The following WDPCP variants were observed in gnomAD, a reference collection of about 807,000 sequenced individuals.
The protein encoded by WDPCP is WD repeat-containing and planar cell polarity effector protein fritz homolog.
A neutral mutation model predicts 93.1 loss-of-function variants in WDPCP; 71 were observed. The observed-to-expected ratio is 0.76, with a 90% CI of 0.63 to 0.93. WDPCP has a LOEUF of 0.93. Among genes scored for constraint, WDPCP ranks in the 40% least tolerant of loss-of-function variants. The pLI is 0.00. For synonymous variants in WDPCP, 315 were observed against 315.0 expected, an observed-to-expected ratio of 1.00 and a Z score of 0.00; for missense variants, 844 against 887.4, an observed-to-expected ratio of 0.95 and a Z score of 0.62.
chr2:63,174,709 T>C lies in WDPCP; in HGVS notation c.2039A>G (p.His680Arg), dbSNP rs1295952465. Residue 680 changes from histidine to arginine, a missense_variant, in exon 15 of 18, where the codon CAT becomes CGT. Coordinates refer to ENST00000272321, the MANE Select transcript of WDPCP (RefSeq NM_015910.7). ...NLPPSCPTHR[H>R]ILQQRILNGS... ...ATTCAGTATTCTTTGTTGTAAAATA[T>C]GTCTGTGGGTTGGGCAAGAGGGAGG... 1.2e-6 allele frequency: 2 copies of C among 1,614,004 alleles called. No individual in the cohort carries two copies. Among genetic ancestry groups the C allele is most frequent in the African/African-American group, 1.3e-5 (1 of 75,044 alleles).
chr2:63,190,293 C>G (rs901955507), intron 14 of WDPCP, among the ~76,000 whole-genome samples: 1 of 151,708 alleles, frequency 6.6e-6, no homozygotes, highest in African/African-American at 2.4e-5. Flanking sequence ...ACTAGCCAAG[C>G]ATGGTGGCAG....
intron 15 of WDPCP, among the ~76,000 whole-genome samples, chr2:63,160,897 A>G (rs1306463360): frequency 2.6e-5 from 4 of 152,228 alleles, no homozygotes; most frequent in African/African-American, 4.8e-5. Context: ...GGAAGCCCAC[A>G]GCACCATCTA....
chr2:63,693,418 A>G (rs1668916219), intron 2 of WDPCP, among the ~76,000 whole-genome samples: 1 of 151,130 alleles, frequency 6.6e-6, no homozygotes, highest in Admixed American at 6.7e-5. Context: ...AGATGGCTAT[A>G]GACTACAGTA....
chr2:63,337,221 ATGAG>A (rs1688446792), intron 12 of WDPCP, among the ~76,000 whole-genome samples: 1 of 152,208 alleles, frequency 6.6e-6, no homozygotes, highest in African/African-American at 2.4e-5. Context: ...GATTCCACTT[ATGAG>A]TGAGAACATG....
At chr2:63,281,533 G>A (rs1683544444) in intron 13 of WDPCP, among the ~76,000 whole-genome samples, 1 of 152,168 alleles carries the variant, frequency 6.6e-6, no homozygotes, top group African/African-American at 2.4e-5. Flanking sequence ...GCACCTGCAT[G>A]TTTATAGTAG....
At chr2:63,538,257 A>T (rs1704454227) in intron 1 of WDPCP, among the ~76,000 whole-genome samples, 1 of 152,176 alleles carries the variant, frequency 6.6e-6, no homozygotes. Flanking sequence ...TATTAAAAAT[A>T]ACATGAAAAA....
At chr2:63,192,055 C>T (rs779038276) in intron 14 of WDPCP, among the ~76,000 whole-genome samples, 94 of 152,274 alleles carry the variant, frequency 6.2e-4, no homozygotes, top group Non-Finnish European at 8.7e-4. Context: ...GAAAAGCTCT[C>T]CTTACCCCCC....
rs116224585 is a variant in WDPCP at position 63,781,931 on chromosome 2, G to T, written n.308+31691C>A. On this transcript the variant is annotated intron_variant and non_coding_transcript_variant, in intron 2 of 4. Transcript: ENST00000467687. The stretch of plus-strand genomic sequence containing the variant: ...GTCAGTCCACAGGCAACCTATGTGT[G>T]TGTGTATATAAAAGGAGAACTTAGA... Among the ~76,000 whole-genome samples the T allele has an allele frequency of 6.5e-3, 983 of 152,238 alleles. 11 individuals carry two copies. The highest frequency in any genetic ancestry group is 0.023 in the African/African-American group (947 of 41,550).
chr2:63,699,748 A>G (rs1161295749), intron 2 of WDPCP, among the ~76,000 whole-genome samples: 1 of 152,228 alleles, frequency 6.6e-6, no homozygotes, highest in African/African-American at 2.4e-5. Flanking sequence ...TATTGAATCT[A>G]AGACACCATG....
At chr2:63,126,479 G>A (rs897388817) in intron 17 of WDPCP, among the ~76,000 whole-genome samples, 2 of 152,068 alleles carry the variant, frequency 1.3e-5, no homozygotes, top group Non-Finnish European at 2.9e-5. Flanking sequence ...AGGAGGTAGT[G>A]GAACAAAATT....
At chr2:63,499,372 T>C (rs1701409437) in intron 1 of WDPCP, among the ~76,000 whole-genome samples, 1 of 152,202 alleles carries the variant, frequency 6.6e-6, no homozygotes, top group Non-Finnish European at 1.5e-5. Context: ...AGGAAGTCTT[T>C]GCCAAGCTCA....
intron 3 of WDPCP, among the ~76,000 whole-genome samples, chr2:63,623,138 G>A (rs1411468857): frequency 6.6e-6 from 1 of 152,220 alleles, no homozygotes; most frequent in African/African-American, 2.4e-5. Flanking sequence ...AGCAAATGCT[G>A]AGAGATTTTT....
intron 2 of WDPCP, among the ~76,000 whole-genome samples, chr2:63,790,081 T>C (rs1447239728): frequency 6.6e-6 from 1 of 152,150 alleles, no homozygotes; most frequent in Non-Finnish European, 1.5e-5. Context: ...TAACTAAAGA[T>C]AAAGTCAAAT....
chr2:63,304,137 C>T (rs534281908), intron 13 of WDPCP, among the ~76,000 whole-genome samples: 1 of 152,214 alleles, frequency 6.6e-6, no homozygotes, highest in Admixed American at 6.5e-5. Context: ...CACAACTGGG[C>T]ATCTACCCAA....
intron 12 of WDPCP, among the ~76,000 whole-genome samples, chr2:63,355,223 C>A (rs1233765266): frequency 6.6e-6 from 1 of 152,028 alleles, no homozygotes. Context: ...CAAAGCAAAC[C>A]CCATCAGGCT....
intron 6 of WDPCP, chr2:63,441,239 C>T (rs555173467): frequency 1.3e-5 from 2 of 152,120 alleles, no homozygotes; most frequent in African/African-American, 4.8e-5. Context: ...TTAATCTCTA[C>T]TGAATTACAC....
At chr2:63,296,481 A>T (rs1298286945) in intron 13 of WDPCP, among the ~76,000 whole-genome samples, 1 of 152,212 alleles carries the variant, frequency 6.6e-6, no homozygotes, top group Non-Finnish European at 1.5e-5. Context: ...AAACGTATCC[A>T]ACTAGGAAAA....
chr2:63,806,128 C>T (rs998707140), intron 2 of WDPCP, among the ~76,000 whole-genome samples: 5 of 152,002 alleles, frequency 3.3e-5, no homozygotes, highest in Admixed American at 1.3e-4. Context: ...AAAGAGAAAA[C>T]GAAAAGGAAA....
chr2:63,400,827 A>C (rs1341765561), intron 10 of WDPCP, among the ~76,000 whole-genome samples: 1 of 152,158 alleles, frequency 6.6e-6, no homozygotes, highest in Non-Finnish European at 1.5e-5. Flanking sequence ...GAGACACCTC[A>C]GAAATAACAC....
Sources: allele counts gnomAD v4.1 joint callset (sites outside exome capture counted in the v4.1 genomes callset), GRCh38; gene constraint gnomAD v4.1.1; transcripts MANE v1.5; gene names NCBI Gene and HGNC (gene_info 2026-07-23, HGNC 2026-07-21).